Variants in UNC5B observed in about 807,000 individuals in gnomAD.
UNC5B encodes the protein netrin receptor UNC5B.
A neutral mutation model predicts 103.7 loss-of-function variants in UNC5B; 56 were observed. The observed-to-expected ratio is 0.54, with a 90% confidence interval of 0.44 to 0.67. The LOEUF (loss-of-function observed/expected upper bound fraction) is 0.67, where lower values mean the gene tolerates loss of function less well. UNC5B is among the 30% of genes least tolerant of loss of function. The pLI is 0.00. For missense variants in UNC5B, 1,194 were observed against 1,284.5 expected (o/e 0.93, Z 1.08); for synonymous variants, 577 against 542.0 (o/e 1.06, Z -0.90).
intron 4 of UNC5B, among the ~76,000 whole-genome samples, chr10:71,286,226 G>A (rs575158194): frequency 6.6e-6 from 1 of 152,298 alleles, no homozygotes; most frequent in Non-Finnish European, 1.5e-5. Context: ...CAGAGCTGGG[G>A]TTTGGACCCA....
At chr10:71,252,698 G>T (rs917974953) in intron 1 of UNC5B, among the ~76,000 whole-genome samples, 1 of 152,216 alleles carries the variant, frequency 6.6e-6, no homozygotes, top group East Asian at 1.9e-4. Context: ...ACTCAGAGAG[G>T]TGAAGTGATT....
At chr10:71,285,138 AC>A (rs1413607828) in intron 3 of UNC5B, among the ~76,000 whole-genome samples, 187 bp from the exon 4 acceptor site, 3 of 152,172 alleles carry the variant, frequency 2.0e-5, no homozygotes, top group Non-Finnish European at 2.9e-5. Flanking sequence ...CAGGGAGGGA[AC>A]CCTGTTCCCC....
chr10:71,225,325 G>A (rs1422031018), intron 1 of UNC5B, among the ~76,000 whole-genome samples: 10 of 152,252 alleles, frequency 6.6e-5, no homozygotes, highest in African/African-American at 9.7e-5. Context: ...GGACTATGCG[G>A]TGCATCCTGG....
At chr10:71,276,242 T>C (rs1372865165) in intron 1 of UNC5B, among the ~76,000 whole-genome samples, 1 of 152,126 alleles carries the variant, frequency 6.6e-6, no homozygotes, top group Non-Finnish European at 1.5e-5. Context: ...AGGGTTATTA[T>C]GGAGCTCATT....
At chr10:71,291,844 C>A (rs746597252) in intron 10 of UNC5B, 23 bp downstream of exon 10, 1 of 1,567,510 alleles carries the variant, frequency 6.4e-7, no homozygotes, top group Non-Finnish European at 8.6e-7. Flanking sequence ...CCTGCTTGTG[C>A]GTCAGCCTGG....
At chr10:71,291,896 C>CA in intron 10 of UNC5B, 75 bp downstream of exon 10, 1 of 1,497,346 alleles carries the variant, frequency 6.7e-7, no homozygotes, top group South Asian at 1.3e-5. Flanking sequence ...ACCCATCCAG[C>CA]AGAAGATAGG....
intron 1 of UNC5B, among the ~76,000 whole-genome samples, chr10:71,231,417 G>C (rs1370715586): frequency 6.6e-6 from 1 of 152,226 alleles, no homozygotes; most frequent in African/African-American, 2.4e-5. Context: ...CCTCCCCAGA[G>C]AGTCCTTTCC....
At chr10:71,262,244 C>T (rs1844429833) in intron 1 of UNC5B, among the ~76,000 whole-genome samples, 1 of 152,032 alleles carries the variant, frequency 6.6e-6, no homozygotes, top group Non-Finnish European at 1.5e-5. Flanking sequence ...ACGGCTGGCA[C>T]CCGACACCCC....
At chr10:71,288,768 G>A in intron 7 of UNC5B, 36 bp downstream of exon 7, 3 of 1,572,934 alleles carry the variant, frequency 1.9e-6, no homozygotes, top group Non-Finnish European at 2.6e-6. Context: ...TGGGGGTGGG[G>A]ACTCTGGAGC....
chr10:71,268,691 G>A (rs1167337316), intron 1 of UNC5B, among the ~76,000 whole-genome samples: 1 of 152,212 alleles, frequency 6.6e-6, no homozygotes, highest in Non-Finnish European at 1.5e-5. Context: ...AGGGAGACGG[G>A]GGAAATTTGT....
intron 1 of UNC5B, among the ~76,000 whole-genome samples, chr10:71,246,340 G>A (rs1021029582): frequency 7.9e-5 from 12 of 152,124 alleles, no homozygotes; most frequent in African/African-American, 2.9e-4. Context: ...CCTTCCAGAA[G>A]GATGGCTTTG....
chr10:71,278,614 C>A (rs995282252), intron 1 of UNC5B, among the ~76,000 whole-genome samples: 3 of 152,250 alleles, frequency 2.0e-5, no homozygotes, highest in African/African-American at 4.8e-5. Context: ...GTCCCCTTGG[C>A]CCCTCTGACT....
intron 1 of UNC5B, among the ~76,000 whole-genome samples, chr10:71,264,163 TCTGA>T (rs1322365117): frequency 6.6e-6 from 1 of 152,200 alleles, no homozygotes; most frequent in Non-Finnish European, 1.5e-5. Context: ...TTAGTAACTG[TCTGA>T]CTTTGTACAA....
At chr10:71,250,933 G>A (rs1844158086) in intron 1 of UNC5B, among the ~76,000 whole-genome samples, 1 of 152,184 alleles carries the variant, frequency 6.6e-6, no homozygotes, top group African/African-American at 2.4e-5. Context: ...AGATCACTGA[G>A]TTCAGGGATG....
intron 1 of UNC5B, among the ~76,000 whole-genome samples, chr10:71,229,366 A>G (rs1843636256): frequency 6.6e-6 from 1 of 152,336 alleles, no homozygotes; most frequent in South Asian, 2.1e-4. Context: ...TGGTGGGGGC[A>G]TGATTGCCGG....
At chr10:71,241,246 A>G (rs1472595788) in intron 1 of UNC5B, among the ~76,000 whole-genome samples, 1 of 152,136 alleles carries the variant, frequency 6.6e-6, no homozygotes, top group Non-Finnish European at 1.5e-5. Flanking sequence ...CACTTTAGCT[A>G]GAGGAGAGGT....
At chr10:71,244,259 G>GTA (rs1843971331) in intron 1 of UNC5B, among the ~76,000 whole-genome samples, 1 of 152,236 alleles carries the variant, frequency 6.6e-6, no homozygotes, top group African/African-American at 2.4e-5. Context: ...GCCTTCACAG[G>GTA]GTGGTGGCAG....
intron 1 of UNC5B, among the ~76,000 whole-genome samples, chr10:71,246,569 TGAGGGAAGGAAGAAGG>T (rs1473143141): frequency 1.3e-5 from 2 of 151,812 alleles, no homozygotes; most frequent in African/African-American, 4.8e-5. Context: ...GTGACTGGGT[TGAGGGAAGGAAGAAGG>T]GAGGGAAGTG....
At chr10:71,256,665 A>G (rs541633585) in intron 1 of UNC5B, among the ~76,000 whole-genome samples, 1 of 152,196 alleles carries the variant, frequency 6.6e-6, no homozygotes, top group Admixed American at 6.5e-5. Flanking sequence ...CAGGGCCCCC[A>G]GAAGGGAGCC....
Sources: gnomAD v4.1 joint callset for allele counts (sites outside exome capture counted in the v4.1 genomes callset) on GRCh38, gnomAD v4.1.1 for gene constraint, MANE v1.5 for transcripts, NCBI Gene and HGNC (gene_info 2026-07-23, HGNC 2026-07-21) for gene names.